DAG1: variants seen among roughly 807,000 people sequenced by gnomAD.
DAG1 encodes dystroglycan 1.
DAG1 carries 8 observed loss-of-function variants against 46.1 expected under a neutral mutation model. The observed-to-expected ratio is 0.17, with a 90% CI of 0.10 to 0.31. DAG1 has a LOEUF of 0.31. Ranked by LOEUF, DAG1 falls within the 10% of genes least tolerant of loss-of-function variation. The probability of loss-of-function intolerance (pLI) is 1.00; values close to 1 mark genes in which losing one functional copy is unlikely to be tolerated. For missense variants in DAG1, 1,003 were observed against 1,189.9 expected (o/e 0.84, Z 2.31); for synonymous variants, 495 against 481.8 (o/e 1.03, Z -0.36).
intron 1 of DAG1, among the ~76,000 whole-genome samples, chr3:49,483,447 G>C (rs1223968642): frequency 6.6e-6 from 1 of 151,996 alleles, no homozygotes; most frequent in Non-Finnish European, 1.5e-5. Flanking sequence ...CAGATGATCT[G>C]CCTGCCTCGG....
At chr3:49,516,418 G>A (rs2050898039) in intron 2 of DAG1, among the ~76,000 whole-genome samples, 2 of 152,226 alleles carry the variant, frequency 1.3e-5, no homozygotes, top group African/African-American at 4.8e-5. Context: ...GCCCCACAGT[G>A]TACTATGGTC....
chr3:49,512,650 G>A (rs1185923524), intron 2 of DAG1, among the ~76,000 whole-genome samples: 1 of 150,524 alleles, frequency 6.6e-6, no homozygotes, highest in Non-Finnish European at 1.5e-5. Flanking sequence ...CCTCAGCCTC[G>A]CAACACCCAG....
rs766407151 is a variant in DAG1, at chr3:49,530,783, T to C, written c.286-14T>C. 5.6e-6 allele frequency: 9 copies of C among 1,614,222 alleles called. No homozygotes were observed. In the East Asian group the frequency reaches 1.8e-4, roughly 32 times the overall value. On this transcript the variant is annotated splice_polypyrimidine_tract_variant and intron_variant, in intron 2 of 2. Coordinates refer to ENST00000308775, the MANE Select transcript of DAG1 (RefSeq NM_004393.6). ...GACAATAGTATTTTTAATTTATGCT[T>C]GTGTCTCTTCTAGGTATCAGCGGCA...
chr3:49,528,983 T>C (rs1428150158), intron 2 of DAG1, among the ~76,000 whole-genome samples: 2 of 152,048 alleles, frequency 1.3e-5, no homozygotes, highest in African/African-American at 4.8e-5. Context: ...CCTGAGTAGC[T>C]GGGACTACAG....
Position 49,532,885 on chromosome 3 carries a change from A to G in DAG1, c.2374A>G (p.Ile792Val). ...KLTLEDQATFIKKGVPIIFAD... is the reference protein window; with the variant it reads ...KLTLEDQATFVKKGVPIIFAD... ...TACCCTTGAGGACCAGGCCACCTTC[A>G]TCAAGAAGGGGGTGCCTATCATCTT... The change falls in exon 3 of 3, where the codon ATC (isoleucine) becomes GTC (valine). Residue 792 changes from isoleucine to valine, a missense_variant. By Grantham distance (29) the Ile-to-Val change is conservative. Transcript: ENST00000308775. This position sits in a 1 kb window ranked among gnomAD's most constrained non-coding sequence, Gnocchi z 5.4. The G allele has an allele frequency of 1.2e-6, 2 of 1,614,110 alleles. No homozygotes were observed. The highest frequency in any genetic ancestry group is 2.2e-5 in the East Asian group (1 of 44,890).
Position 49,534,912 on chromosome 3 carries a change from T to C in DAG1, c.*1713T>C, listed in dbSNP as rs2051468470. ...ACAGAGCAGCTACTTCTAAGCCATA[T>C]CGACTGTTTTGCAGAGGATTTGTGT... On this transcript the variant is annotated 3_prime_UTR_variant, in exon 3 of 3. Transcript: ENST00000308775. 1 of 152,820 alleles carries C rather than the reference T, an allele frequency of 6.5e-6. No individual in the cohort carries two copies. Among genetic ancestry groups the C allele is most frequent in the South Asian group, 2.1e-4 (1 of 4,830 alleles). 9.5% of individuals were successfully genotyped at this position (152,820 alleles called of 1,614,324 possible). A position where few individuals can be genotyped will look rare whatever the true frequency, so the allele number is the denominator to read the frequency against.
At chr3:49,481,840 A>T (rs1029524436) in intron 1 of DAG1, among the ~76,000 whole-genome samples, 3 of 152,196 alleles carry the variant, frequency 2.0e-5, no homozygotes, top group African/African-American at 7.2e-5. Flanking sequence ...AGCACCTCTT[A>T]TAGAGTTCTT....
chr3:49,505,776 A>G (rs1027226135), intron 1 of DAG1, among the ~76,000 whole-genome samples: 2 of 151,688 alleles, frequency 1.3e-5, no homozygotes, highest in Non-Finnish European at 2.9e-5. Context: ...GGTTCAAACA[A>G]TTCTCCTGCC....
At chr3:49,509,503 C>T (rs1163812238) in intron 1 of DAG1, among the ~76,000 whole-genome samples, 1 of 152,114 alleles carries the variant, frequency 6.6e-6, no homozygotes, top group Non-Finnish European at 1.5e-5. Flanking sequence ...TTAGGGATGT[C>T]AGCATTTGGA....
At chr3:49,470,145 C>A (rs1165889154), upstream of DAG1, 1 of 151,176 alleles carries the variant, frequency 6.6e-6, no homozygotes, top group Non-Finnish European at 1.5e-5. Context: ...CAGAAGCCGG[C>A]GGCGCGCGGA....
intron 1 of DAG1, among the ~76,000 whole-genome samples, chr3:49,480,617 C>T (rs2049851195): frequency 6.9e-6 from 1 of 144,372 alleles, no homozygotes; most frequent in Admixed American, 7.0e-5. Context: ...AATGGTTAAT[C>T]TGTCCCTAAT....
At chr3:49,472,222 G>C (rs1003171177) in intron 1 of DAG1, among the ~76,000 whole-genome samples, 1 of 152,096 alleles carries the variant, frequency 6.6e-6, no homozygotes, top group Admixed American at 6.6e-5. Flanking sequence ...AGTTAAGTCA[G>C]CTAACAGAGG....
chr3:49,501,917 G>T (rs929692125), intron 1 of DAG1, among the ~76,000 whole-genome samples: 1 of 151,976 alleles, frequency 6.6e-6, no homozygotes, highest in Non-Finnish European at 1.5e-5. Flanking sequence ...AGTGGCTCAC[G>T]CCTGTTCCCA....
rs1262761169 is a variant in DAG1 at position 49,531,441 on chromosome 3, C to A, written c.930C>A (p.Val310=). The change falls in exon 3 of 3, where the codon GTC becomes GTA. Residue 310 remains valine, a synonymous_variant. Transcript: ENST00000308775. The surrounding 1 kb of genome is among the most constrained non-coding windows in gnomAD (Gnocchi z 7.0). ...AGAAGCCCCCTCTTCCCAAACGCGT[C>A]CGGAGGCAGATCCATGCTACACCCA... The part of the protein sequence containing the change: ...ANKKPPLPKR[V]RRQIHATPTP... The A allele has an allele frequency of 1.2e-6, 2 of 1,613,946 alleles. No homozygotes were observed. The highest frequency in any genetic ancestry group is 2.2e-5 in the South Asian group (2 of 91,062).
rs1330590454 is a variant in DAG1, at chr3:49,514,428, G to A, written c.285+3609G>A. Among the ~76,000 whole-genome samples the A allele has an allele frequency of 4.6e-5, 7 of 152,054 alleles. No homozygotes were observed. The South Asian group carries it at 8.3e-4, about 18-fold the overall frequency. On this transcript the variant is annotated intron_variant, in intron 2 of 2. Transcript: ENST00000308775. ...GGTCATGCCACATACACACACAGAC[G>A]TCTTAACATATTAGACAGACCTAGG...
At chr3:49,527,148 T>C (rs1186600875) in intron 2 of DAG1, among the ~76,000 whole-genome samples, 1 of 150,748 alleles carries the variant, frequency 6.6e-6, no homozygotes, top group Non-Finnish European at 1.5e-5. Flanking sequence ...TCCCAGCACT[T>C]TGGGAGGCCG....
In DAG1 at chr3:49,532,605, T is replaced by A. The variant is rs761656322; in HGVS notation, c.2094T>A (p.Pro698=). 1 of 1,612,944 alleles carries A rather than the reference T, an allele frequency of 6.2e-7. No homozygotes were observed. Among genetic ancestry groups the A allele is most frequent in the Non-Finnish European group, 8.5e-7 (1 of 1,179,036 alleles). Residue 698 remains proline (P), a synonymous_variant, in exon 3 of 3, where the codon CCT becomes CCA. Transcript: ENST00000308775. The surrounding 1 kb of genome is among the most constrained non-coding windows in gnomAD (Gnocchi z 5.4). ...PRPAFSNALE[P]DFKATSITVT... ...CTGCCTTCTCCAACGCCCTAGAGCC[T>A]GACTTTAAGGCCACAAGCATCACTG...
chr3:49,481,396 C>CA (rs10715955), intron 1 of DAG1, among the ~76,000 whole-genome samples: 24 of 93,806 alleles, frequency 2.6e-4, no homozygotes, highest in South Asian at 7.5e-4. Flanking sequence ...GACTCTGCCT[C>CA]AAAAAAAAAA....
In DAG1 at chr3:49,532,496, A is replaced by G. The variant is rs149926112; in HGVS notation, c.1985A>G (p.Asn662Ser). The change falls in exon 3 of 3, where the codon AAC becomes AGC. Residue 662 changes from asparagine (N) to serine (S), a missense_variant. By Grantham distance (46) the Asn-to-Ser change is conservative. Coordinates refer to ENST00000308775, the MANE Select transcript of DAG1 (RefSeq NM_004393.6). The surrounding 1 kb of genome is among the most constrained non-coding windows in gnomAD (Gnocchi z 5.4). ...TCCATCGTGGTGGAATGGACCAACA[A>G]CACACTGCCCTTGGAGCCCTGCCCC... ...RGSIVVEWTNNTLPLEPCPKE... is the reference protein window; with the variant it reads ...RGSIVVEWTNSTLPLEPCPKE... The G allele has an allele frequency of 5.6e-6, 9 of 1,614,070 alleles. No individual in the cohort carries two copies. In the African/African-American group the frequency reaches 9.3e-5, roughly 17 times the overall value.
Sources: gnomAD v4.1 joint callset for allele counts (sites outside exome capture counted in the v4.1 genomes callset) on GRCh38, gnomAD v4.1.1 for gene constraint, Gnocchi (gnomAD v3.1) non-coding constraint, MANE v1.5 for transcripts, NCBI Gene and HGNC (gene_info 2026-07-23, HGNC 2026-07-21) for gene names.